Variants in HDX observed in about 807,000 individuals in gnomAD.
HDX encodes the protein chromosome X open reading frame 43.
In HDX, 19 loss-of-function variants were observed where a neutral mutation model predicts 45.2. That is an observed-to-expected ratio of 0.42 (90% CI 0.29 to 0.62). The LOEUF (loss-of-function observed/expected upper bound fraction) is 0.62, where lower values mean the gene tolerates loss of function less well. Ranked by LOEUF, HDX falls within the 20% of genes least tolerant of loss-of-function variation. The pLI is 0.20. For synonymous variants in HDX, 188 were observed against 172.8 expected (o/e 1.09, Z -0.69); for missense variants, 532 against 493.9 (o/e 1.08, Z -0.73).
At chrX:84,376,128 C>T (rs1445311682) in intron 5 of HDX, among the ~76,000 whole-genome samples, 1 of 112,138 alleles carries the variant, frequency 8.9e-6, no homozygotes, top group Non-Finnish European at 1.9e-5. Context: ...TATACATGGC[C>T]TGTGCCAGAA....
chrX:84,372,717 A>G, intron 5 of HDX, among the ~76,000 whole-genome samples: 1 of 112,348 alleles, frequency 8.9e-6, no homozygotes, highest in Non-Finnish European at 1.9e-5. Flanking sequence ...CCAAAGGTTT[A>G]TCATAGATAT....
chrX:84,457,175 C>A (rs2040130227), intron 4 of HDX, among the ~76,000 whole-genome samples: 1 of 111,443 alleles, frequency 9.0e-6, no homozygotes, highest in Non-Finnish European at 1.9e-5. Flanking sequence ...TTTGACATAA[C>A]TATGCTTACA....
chrX:84,405,283 T>G (rs1389036986), intron 5 of HDX, among the ~76,000 whole-genome samples: 1 of 110,425 alleles, frequency 9.1e-6, no homozygotes, highest in African/African-American at 3.3e-5. Flanking sequence ...CTAAATATTC[T>G]ACATGAGATA....
chrX:84,392,953 T>A (rs1446572739), intron 5 of HDX, among the ~76,000 whole-genome samples: 1 of 104,296 alleles, frequency 9.6e-6, no homozygotes, highest in Non-Finnish European at 2.0e-5. Flanking sequence ...ATAGTTGGAC[T>A]TCTTGTTTCC....
chrX:84,429,664 T>A (rs1170937648), intron 5 of HDX, among the ~76,000 whole-genome samples: 1 of 110,185 alleles, frequency 9.1e-6, no homozygotes, highest in African/African-American at 3.3e-5. Context: ...ATACCTTACA[T>A]TTTTCTTGCC....
chrX:84,462,277 C>G (rs1172031792), intron 4 of HDX, among the ~76,000 whole-genome samples: 6 of 112,041 alleles, frequency 5.4e-5, no homozygotes, highest in African/African-American at 1.6e-4. Flanking sequence ...AAGTGTCCAT[C>G]AACAGGTGAA....
rs1407684704 is a variant in HDX at position 84,468,538 on chromosome X, A to T, written c.1185T>A (p.Ser395Arg). 3 of 1,177,280 alleles carry T rather than the reference A, an allele frequency of 2.5e-6. No homozygotes were observed. The highest frequency in any genetic ancestry group is 3.5e-6 in the Non-Finnish European group (3 of 867,496). ...TMYSNTNPLR[S>R]NFSPHFASSN... ...ATGATGCAAAATGAGGAGAAAAATT[A>T]CTCCGTAATGGATTGGTATTACTGT... The change falls in exon 4 of 11, where the codon AGT becomes AGA. Residue 395 changes from serine (S) to arginine (R), a missense_variant. This residue lies in a region of HDX where 376 missense variants were observed against 343.7 expected (regional missense o/e 1.09). Coordinates refer to ENST00000373177, the MANE Select transcript of HDX (RefSeq NM_001177479.2).
chrX:84,411,022 C>T (rs2038971838), intron 5 of HDX, among the ~76,000 whole-genome samples: 1 of 111,337 alleles, frequency 9.0e-6, no homozygotes, highest in African/African-American at 3.3e-5. Context: ...TCTCCTTTGT[C>T]ATTTCTCTTT....
rs1018141775 is a variant in HDX, at chrX:84,325,092, C to T, written c.1947+1086G>A. Among the ~76,000 whole-genome samples the T allele has an allele frequency of 1.6e-4, 18 of 110,468 alleles. No homozygotes were observed. In the East Asian group the frequency reaches 2.6e-3, roughly 16 times the overall value. On this transcript the variant is annotated intron_variant, in intron 10 of 10. Transcript: ENST00000373177. ...GACAGGGTGTATGGGGAGTAAAATT[C>T]GTGAAACTTGACACATAATATACAT...
chrX:84,411,304 T>C (rs1163245365), intron 5 of HDX, among the ~76,000 whole-genome samples: 1 of 111,563 alleles, frequency 9.0e-6, no homozygotes, highest in Non-Finnish European at 1.9e-5. Flanking sequence ...TTTTGTGCTA[T>C]AAACATTCTT....
intron 6 of HDX, among the ~76,000 whole-genome samples, chrX:84,348,109 A>G (rs1267602246): frequency 9.1e-6 from 1 of 110,181 alleles, no homozygotes. Context: ...CATATGTTAC[A>G]CCTGTTATAT....
chrX:84,390,211 T>A (rs2038411535), intron 5 of HDX, among the ~76,000 whole-genome samples: 1 of 111,202 alleles, frequency 9.0e-6, no homozygotes, highest in African/African-American at 3.3e-5. Flanking sequence ...TTGTTAATAT[T>A]ACATTCAGTC....
chrX:84,486,951 C>T (rs2040806731), intron 2 of HDX, among the ~76,000 whole-genome samples: 1 of 111,445 alleles, frequency 9.0e-6, no homozygotes, highest in South Asian at 3.7e-4. Flanking sequence ...CTCCTGTCCT[C>T]CTGGGATTTC....
At chrX:84,442,985 A>G (rs769839931) in intron 4 of HDX, among the ~76,000 whole-genome samples, 53 of 111,939 alleles carry the variant, frequency 4.7e-4, no homozygotes, top group African/African-American at 1.6e-3. Context: ...GTTTAAGTCA[A>G]TTGTGTGTAA....
In HDX at chrX:84,320,524, A is replaced by C. The variant is rs2036576379; in HGVS notation, c.*1365T>G. The C allele has an allele frequency of 9.0e-6, 1 of 110,995 alleles. No individual in the cohort carries two copies. The highest frequency in any genetic ancestry group is 3.7e-4 in the South Asian group (1 of 2,711). The allele number at this position is 110,995 out of a possible 1,213,427, so 9.1% of individuals were successfully genotyped here. On this transcript the variant is annotated 3_prime_UTR_variant, in exon 11 of 11. Transcript: ENST00000373177. Reference sequence around the variant, plus strand: ...TACAAATTTTTAAAAATATCTGAATACCTACTAGGTACCAACAAAAATTAA... The same window carrying C: ...TACAAATTTTTAAAAATATCTGAATCCCTACTAGGTACCAACAAAAATTAA...
intron 5 of HDX, among the ~76,000 whole-genome samples, chrX:84,426,463 C>A (rs145091470): frequency 9.1e-6 from 1 of 110,302 alleles, no homozygotes; most frequent in Non-Finnish European, 1.9e-5. Context: ...AATATTTTTC[C>A]GCCTTTAAAA....
At chrX:84,463,483 T>C (rs1223600837) in intron 4 of HDX, among the ~76,000 whole-genome samples, 1 of 111,633 alleles carries the variant, frequency 9.0e-6, no homozygotes, top group Non-Finnish European at 1.9e-5. Flanking sequence ...ATTGTGCTTA[T>C]AAAGATTTTT....
At chrX:84,336,993 T>C (rs2036978595) in intron 7 of HDX, 113 bp from the exon 8 acceptor site, 1 of 494,378 alleles carries the variant, frequency 2.0e-6, no homozygotes, top group Non-Finnish European at 3.3e-6. Context: ...AAATGGCAAA[T>C]TCATTTCACA....
At chrX:84,416,787 C>A (rs544206553) in intron 5 of HDX, among the ~76,000 whole-genome samples, 1 of 111,536 alleles carries the variant, frequency 9.0e-6, no homozygotes, top group African/African-American at 3.3e-5. Context: ...AATGTCATAT[C>A]ATTTCAACAT....
Sources: gnomAD v4.1 joint callset for allele counts (sites outside exome capture counted in the v4.1 genomes callset) on GRCh38, gnomAD v4.1.1 for gene constraint, gnomAD v4.1.1 regional missense constraint, MANE v1.5 for transcripts, NCBI Gene and HGNC (gene_info 2026-07-23, HGNC 2026-07-21) for gene names.